FZD1: variants seen among roughly 807,000 people sequenced by gnomAD.
FZD1 encodes frizzled-1.
In FZD1, 22 loss-of-function variants were observed where a neutral mutation model predicts 48.0. The ratio of observed to expected loss-of-function variants is 0.46; its 90% CI spans 0.33 to 0.65. The LOEUF (loss-of-function observed/expected upper bound fraction) is 0.65. Among genes scored for constraint, FZD1 ranks in the 30% least tolerant of loss-of-function variants. FZD1 has a pLI of 0.02. For synonymous variants in FZD1, 486 were observed against 409.6 expected (o/e 1.19, Z -2.25); for missense variants, 843 against 898.1 (o/e 0.94, Z 0.78).
rs1209803165 is a variant in FZD1 at position 91,270,789 on chromosome 7, A to G, written c.*3965A>G. On this transcript the variant is annotated 3_prime_UTR_variant, in exon 1 of 1. Transcript: ENST00000287934. Reference sequence around the variant, plus strand: ...GGATATCTCTGATTCATTTCTTATTATAATAGTCTGTGTAACTGGGGCCTG... The same window carrying G: ...GGATATCTCTGATTCATTTCTTATTGTAATAGTCTGTGTAACTGGGGCCTG... 1 of 167,002 alleles carries G rather than the reference A, an allele frequency of 6.0e-6. No individual in the cohort carries two copies. Among genetic ancestry groups the G allele is most frequent in the Non-Finnish European group, 1.5e-5 (1 of 68,118 alleles). 10.3% of individuals were successfully genotyped at this position (167,002 alleles called of 1,614,324 possible).
Position 91,265,302 on chromosome 7 carries a change from C to G in FZD1, c.422C>G (p.Thr141Arg). ...ATCATGCCCAACCTGCTGGGCCACA[C>G]GAACCAGGAGGACGCGGGCCTGGAG... ...QTIMPNLLGH[T>R]NQEDAGLEVH... Residue 141 changes from threonine to arginine, a missense_variant, in exon 1 of 1, where the codon ACG (threonine) becomes AGG (arginine). Around this residue, in one of 2 missense-constraint regions of FZD1, gnomAD observed 490 missense variants for 466.5 expected, o/e 1.05. Coordinates refer to ENST00000287934, the MANE Select transcript of FZD1 (RefSeq NM_003505.2). This position sits in a 1 kb window ranked among gnomAD's most constrained non-coding sequence, Gnocchi z 6.9. 1 of 1,614,140 alleles carries G rather than the reference C, an allele frequency of 6.2e-7. No individual in the cohort carries two copies. Among genetic ancestry groups the G allele is most frequent in the Non-Finnish European group, 8.5e-7 (1 of 1,179,992 alleles).
chr7:91,265,866 T>C lies in FZD1; in HGVS notation c.986T>C (p.Leu329Pro). 6.2e-7 allele frequency: 1 copy of C among 1,614,022 alleles called. No individual in the cohort carries two copies. Among genetic ancestry groups the C allele is most frequent in the Non-Finnish European group, 8.5e-7 (1 of 1,179,860 alleles). The stretch of plus-strand genomic sequence containing the variant: ...ACCTGGATTGGCATTTGGTCAGTGC[T>C]GTGCTGCGCCTCCACGCTCTTCACG... ...SRTWIGIWSV[L>P]CCASTLFTVL... The change falls in exon 1 of 1, where the codon CTG becomes CCG. Residue 329 changes from leucine to proline, a missense_variant. Coordinates refer to ENST00000287934, the MANE Select transcript of FZD1 (RefSeq NM_003505.2). The surrounding 1 kb of genome is among the most constrained non-coding windows in gnomAD (Gnocchi z 6.9).
At position 91,268,232 on chromosome 7, in the gene FZD1, G is replaced by C. The variant is rs560270455; in HGVS notation, c.*1408G>C. 2 of 166,834 alleles carry C rather than the reference G, an allele frequency of 1.2e-5. No individual in the cohort carries two copies. Among genetic ancestry groups the C allele is most frequent in the Non-Finnish European group, 2.9e-5 (2 of 68,104 alleles). 10.3% of individuals were successfully genotyped at this position (166,834 alleles called of 1,614,324 possible). On this transcript the variant is annotated 3_prime_UTR_variant, in exon 1 of 1. Coordinates refer to ENST00000287934, the MANE Select transcript of FZD1 (RefSeq NM_003505.2). ...TATTCAGCAGCACATTCTGAGGGGGGAACAATTCACACCACCAATAATAAC... is the reference window on the plus strand; with the variant it reads ...TATTCAGCAGCACATTCTGAGGGGGCAACAATTCACACCACCAATAATAAC...
chr7:91,266,888 CGTG>C lies in FZD1; in HGVS notation c.*66_*68del. ...CGCAGCGATCCCCCAAAGCCAGCGC[CGTG>C]GAGTTCGTGCCAATCCTGACATCTC... On this transcript the variant is annotated 3_prime_UTR_variant, in exon 1 of 1. Transcript: ENST00000287934. The surrounding 1 kb of genome is among the most constrained non-coding windows in gnomAD (Gnocchi z 6.8). The C allele has an allele frequency of 9.5e-7, 1 of 1,055,380 alleles. No individual in the cohort carries two copies. The highest frequency in any genetic ancestry group is 1.5e-5 in the South Asian group (1 of 65,622). The allele number at this position is 1,055,380 out of a possible 1,614,324, so 65.4% of individuals were successfully genotyped here.
chr7:91,267,544 A>C lies in FZD1; in HGVS notation c.*720A>C, dbSNP rs1803905440. The C allele has an allele frequency of 6.0e-6, 1 of 167,122 alleles. No homozygotes were observed. The highest frequency in any genetic ancestry group is 2.1e-4 in the South Asian group (1 of 4,836). 10.4% of individuals were successfully genotyped at this position (167,122 alleles called of 1,614,324 possible). A position where few individuals can be genotyped will look rare whatever the true frequency, so the allele number is the denominator to read the frequency against. On this transcript the variant is annotated 3_prime_UTR_variant, in exon 1 of 1. Coordinates refer to ENST00000287934, the MANE Select transcript of FZD1 (RefSeq NM_003505.2). Reference sequence around the variant, plus strand: ...CTCCCTTGCTCGGCGGTGGATTGCGAAGGCCCGTCCCTTCGACTTCCTGAA... The same window carrying C: ...CTCCCTTGCTCGGCGGTGGATTGCGCAGGCCCGTCCCTTCGACTTCCTGAA...
chr7:91,264,926 G>C lies in FZD1; in HGVS notation c.46G>C (p.Gly16Arg), dbSNP rs1194238539. Residue 16 changes from glycine (G) to arginine (R), a missense_variant, in exon 1 of 1, where the codon GGC becomes CGC. Physicochemically the swap from Gly to Arg is moderately radical, Grantham distance 125. This residue lies in a region of FZD1 where 490 missense variants were observed against 466.5 expected (regional missense o/e 1.05). Coordinates refer to ENST00000287934, the MANE Select transcript of FZD1 (RefSeq NM_003505.2). Reference sequence around the variant, plus strand: ...TAAGAAGTCCCGGGCCGCCGGCGGTGGCGCGAGCTGGGAACTTTGTGCCGG... The same window carrying C: ...TAAGAAGTCCCGGGCCGCCGGCGGTCGCGCGAGCTGGGAACTTTGTGCCGG... ...APKKSRAAGG[G>R]ASWELCAGAL... The C allele has an allele frequency of 7.5e-7, 1 of 1,339,184 alleles. No individual in the cohort carries two copies. 83.0% of individuals were successfully genotyped at this position (1,339,184 alleles called of 1,614,324 possible).
chr7:91,270,617 C>A lies in FZD1; in HGVS notation c.*3793C>A, dbSNP rs1396645092. ...GACTTGAGTGGCCGCAGATCACTGT[C>A]CCTGATAGCATGTTTCAACCTTGGT... On this transcript the variant is annotated 3_prime_UTR_variant, in exon 1 of 1. Transcript: ENST00000287934. The A allele has an allele frequency of 6.0e-6, 1 of 167,010 alleles. No individual in the cohort carries two copies. Among genetic ancestry groups the A allele is most frequent in the African/African-American group, 2.4e-5 (1 of 41,444 alleles). 10.3% of individuals were successfully genotyped at this position (167,010 alleles called of 1,614,324 possible).
At position 91,265,497 on chromosome 7, in the gene FZD1, G is replaced by T; in HGVS notation, c.617G>T (p.Gly206Val). ...QGCEALMNKF[G>V]FQWPDTLKCE... ...TGCGAGGCGCTCATGAACAAGTTCG[G>T]CTTCCAGTGGCCAGACACGCTCAAG... The change falls in exon 1 of 1, where the codon GGC (glycine) becomes GTC (valine). Residue 206 changes from glycine (G) to valine (V), a missense_variant. Physicochemically the swap from Gly to Val is moderately radical, Grantham distance 109. Transcript: ENST00000287934. The surrounding 1 kb of genome is among the most constrained non-coding windows in gnomAD (Gnocchi z 6.9). The T allele has an allele frequency of 6.2e-7, 1 of 1,612,762 alleles. No homozygotes were observed. The highest frequency in any genetic ancestry group is 8.5e-7 in the Non-Finnish European group (1 of 1,179,826).
Position 91,266,339 on chromosome 7 carries a change from C to A in FZD1, c.1459C>A (p.Leu487Met). Residue 487 changes from leucine to methionine, a missense_variant, in exon 1 of 1, where the codon CTG (leucine) becomes ATG (methionine). Physicochemically the swap from Leu to Met is conservative, Grantham distance 15. This residue lies in a region of FZD1 where 353 missense variants were observed against 431.6 expected (regional missense o/e 0.82). Transcript: ENST00000287934. The surrounding 1 kb of genome is among the most constrained non-coding windows in gnomAD (Gnocchi z 6.8). The stretch of plus-strand genomic sequence containing the variant: ...CGTGGGGCTTAACAACGTGGACGCG[C>A]TGCGTGGCTTCGTGCTGGCGCCCCT... ...CFVGLNNVDA[L>M]RGFVLAPLFV... 6.2e-7 allele frequency: 1 copy of A among 1,614,172 alleles called. No homozygotes were observed. The highest frequency in any genetic ancestry group is 2.2e-5 in the East Asian group (1 of 44,872).
Position 91,271,027 on chromosome 7 carries a change from A to T in FZD1, c.*4203A>T. On this transcript the variant is annotated 3_prime_UTR_variant, in exon 1 of 1. Coordinates refer to ENST00000287934, the MANE Select transcript of FZD1 (RefSeq NM_003505.2). ...TCTTAAATTGAAGGCTTTTATTTCA[A>T]TGTCCTTACATTTAAAATGGGATCT... 6.0e-6 allele frequency: 1 copy of T among 167,154 alleles called. No individual in the cohort carries two copies. The allele number at this position is 167,154 out of a possible 1,614,324, so 10.4% of individuals were successfully genotyped here. A position where few individuals can be genotyped will look rare whatever the true frequency, so the allele number is the denominator to read the frequency against.
Position 91,266,189 on chromosome 7 carries a change from C to A in FZD1, c.1309C>A (p.His437Asn), listed in dbSNP as rs1241320016. Residue 437 changes from histidine to asparagine, a missense_variant, in exon 1 of 1, where the codon CAC becomes AAC. Coordinates refer to ENST00000287934, the MANE Select transcript of FZD1 (RefSeq NM_003505.2). The surrounding 1 kb of genome is among the most constrained non-coding windows in gnomAD (Gnocchi z 6.8). ...CCTGGCGGCTGGCATGAAGTGGGGCCACGAGGCCATCGAAGCCAACTCACA... is the reference window on the plus strand; with the variant it reads ...CCTGGCGGCTGGCATGAAGTGGGGCAACGAGGCCATCGAAGCCAACTCACA... Reference protein sequence around the residue: ...WFLAAGMKWGHEAIEANSQYF... With the variant: ...WFLAAGMKWGNEAIEANSQYF... 1 of 1,614,146 alleles carries A rather than the reference C, an allele frequency of 6.2e-7. No homozygotes were observed. Among genetic ancestry groups the A allele is most frequent in the Non-Finnish European group, 8.5e-7 (1 of 1,180,012 alleles).
chr7:91,266,563 C>A lies in FZD1; in HGVS notation c.1683C>A (p.Phe561Leu). ...CCTGCTACTTCTACGAGCAGGCCTT[C>A]CGGGACCAGTGGGAACGCAGCTGGG... ...VIACYFYEQAFRDQWERSWVA... is the reference protein window; with the variant it reads ...VIACYFYEQALRDQWERSWVA... Residue 561 changes from phenylalanine to leucine, a missense_variant, in exon 1 of 1, where the codon TTC becomes TTA. Physicochemically the swap from Phe to Leu is conservative, Grantham distance 22. Coordinates refer to ENST00000287934, the MANE Select transcript of FZD1 (RefSeq NM_003505.2). The surrounding 1 kb of genome is among the most constrained non-coding windows in gnomAD (Gnocchi z 6.8). The A allele has an allele frequency of 6.2e-7, 1 of 1,613,868 alleles. No homozygotes were observed. Among genetic ancestry groups the A allele is most frequent in the Middle Eastern group, 1.6e-4 (1 of 6,062 alleles).
rs1183685149 is a variant in FZD1, at chr7:91,269,658, A to G, written c.*2834A>G. On this transcript the variant is annotated 3_prime_UTR_variant, in exon 1 of 1. Coordinates refer to ENST00000287934, the MANE Select transcript of FZD1 (RefSeq NM_003505.2). ...AAAAATTAGATCTTACTAAAAATGT[A>G]GCATTTGATTTTAAGTAGCAAGATG... is the stretch of plus-strand genomic sequence containing the variant. 6.0e-6 allele frequency: 1 copy of G among 167,052 alleles called. No homozygotes were observed. Among genetic ancestry groups the G allele is most frequent in the Non-Finnish European group, 1.5e-5 (1 of 68,096 alleles). The allele number at this position is 167,052 out of a possible 1,614,324, so 10.3% of individuals were successfully genotyped here.
Position 91,266,428 on chromosome 7 carries a change from C to T in FZD1, c.1548C>T (p.Ile516=). Residue 516 remains isoleucine, a synonymous_variant, in exon 1 of 1, where the codon ATC becomes ATT. Transcript: ENST00000287934. The surrounding 1 kb of genome is among the most constrained non-coding windows in gnomAD (Gnocchi z 6.8). Reference sequence around the variant, plus strand: ...CCGGCTTTGTGTCGCTCTTCCGCATCCGCACCATCATGAAGCACGATGGCA... The same window carrying T: ...CCGGCTTTGTGTCGCTCTTCCGCATTCGCACCATCATGAAGCACGATGGCA... ...LLAGFVSLFR[I]RTIMKHDGTK... 5 of 1,614,192 alleles carry T rather than the reference C, an allele frequency of 3.1e-6. No individual in the cohort carries two copies. The highest frequency in any genetic ancestry group is 4.2e-6 in the Non-Finnish European group (5 of 1,180,028).
chr7:91,265,895 C>G lies in FZD1; in HGVS notation c.1015C>G (p.Leu339Val). Residue 339 changes from leucine (L) to valine (V), a missense_variant, in exon 1 of 1, where the codon CTT (leucine) becomes GTT (valine). Physicochemically the swap from Leu to Val is conservative, Grantham distance 32 (BLOSUM62 1). This residue lies in a region of FZD1 where 353 missense variants were observed against 431.6 expected (regional missense o/e 0.82). Coordinates refer to ENST00000287934, the MANE Select transcript of FZD1 (RefSeq NM_003505.2). This position sits in a 1 kb window ranked among gnomAD's most constrained non-coding sequence, Gnocchi z 6.9. ...LCCASTLFTV[L>V]TYLVDMRRFS... ...CTGCGCCTCCACGCTCTTCACGGTGCTTACGTACCTGGTGGACATGCGGCG... is the reference window on the plus strand; with the variant it reads ...CTGCGCCTCCACGCTCTTCACGGTGGTTACGTACCTGGTGGACATGCGGCG... 6.2e-7 allele frequency: 1 copy of G among 1,614,126 alleles called. No individual in the cohort carries two copies. The highest frequency in any genetic ancestry group is 2.2e-5 in the East Asian group (1 of 44,874).
Position 91,265,983 on chromosome 7 carries a change from C to G in FZD1, c.1103C>G (p.Ala368Gly), listed in dbSNP as rs772772421. The G allele has an allele frequency of 1.9e-6, 3 of 1,613,970 alleles. No individual in the cohort carries two copies. The highest frequency in any genetic ancestry group is 2.7e-5 in the African/African-American group (2 of 74,938). ...LSGCYTAVAVAYIAGFLLEDR... is the reference protein window; with the variant it reads ...LSGCYTAVAVGYIAGFLLEDR... Reference sequence around the variant, plus strand: ...GGCTGTTACACGGCCGTGGCCGTGGCCTACATCGCCGGCTTCCTCCTGGAA... The same window carrying G: ...GGCTGTTACACGGCCGTGGCCGTGGGCTACATCGCCGGCTTCCTCCTGGAA... Residue 368 changes from alanine (A) to glycine (G), a missense_variant, in exon 1 of 1, where the codon GCC (alanine) becomes GGC (glycine). By Grantham distance (60) the Ala-to-Gly change is moderately conservative (BLOSUM62 0). Coordinates refer to ENST00000287934, the MANE Select transcript of FZD1 (RefSeq NM_003505.2). The surrounding 1 kb of genome is among the most constrained non-coding windows in gnomAD (Gnocchi z 6.9).
rs1485179774 is a variant in FZD1 at position 91,265,243 on chromosome 7, C to T, written c.363C>T (p.Ile121=). The T allele has an allele frequency of 6.2e-7, 1 of 1,614,010 alleles. No individual in the cohort carries two copies. Among genetic ancestry groups the T allele is most frequent in the African/African-American group, 1.3e-5 (1 of 74,944 alleles). The change falls in exon 1 of 1, where the codon ATC becomes ATT. Residue 121 remains isoleucine (I), a synonymous_variant. Transcript: ENST00000287934. The surrounding 1 kb of genome is among the most constrained non-coding windows in gnomAD (Gnocchi z 6.9). Reference sequence around the variant, plus strand: ...ACGGCTATTGCCAGCCCATCTCCATCCCGCTGTGCACGGACATCGCGTACA... The same window carrying T: ...ACGGCTATTGCCAGCCCATCTCCATTCCGCTGTGCACGGACATCGCGTACA... ...PDHGYCQPIS[I]PLCTDIAYNQ...
rs115605836 is a variant in FZD1 at position 91,269,558 on chromosome 7, T to C, written c.*2734T>C. 9.3e-4 allele frequency: 156 copies of C among 167,126 alleles called. No individual in the cohort carries two copies. Among genetic ancestry groups the C allele is most frequent in the African/African-American group, 3.6e-3 (151 of 41,584 alleles). 10.4% of individuals were successfully genotyped at this position (167,126 alleles called of 1,614,324 possible). A position where few individuals can be genotyped will look rare whatever the true frequency, so the allele number is the denominator to read the frequency against. On this transcript the variant is annotated 3_prime_UTR_variant, in exon 1 of 1. Coordinates refer to ENST00000287934, the MANE Select transcript of FZD1 (RefSeq NM_003505.2). Reference sequence around the variant, plus strand: ...TGACAAGGGACTAAAATGAAGATCATTGATACAATAGAGTTACTTTCCTTG... The same window carrying C: ...TGACAAGGGACTAAAATGAAGATCACTGATACAATAGAGTTACTTTCCTTG...
At position 91,265,405 on chromosome 7, in the gene FZD1, C is replaced by T. The variant is rs776244417; in HGVS notation, c.525C>T (p.Pro175=). Reference sequence around the variant, plus strand: ...TCTTCCTGTGCTCCATGTACGCGCCCGTGTGCACCGTGCTAGAGCAGGCGC... The same window carrying T: ...TCTTCCTGTGCTCCATGTACGCGCCTGTGTGCACCGTGCTAGAGCAGGCGC... ...LKFFLCSMYA[P]VCTVLEQALP... Residue 175 remains proline, a synonymous_variant, in exon 1 of 1, where the codon CCC becomes CCT. Coordinates refer to ENST00000287934, the MANE Select transcript of FZD1 (RefSeq NM_003505.2). This position sits in a 1 kb window ranked among gnomAD's most constrained non-coding sequence, Gnocchi z 6.9. The T allele has an allele frequency of 1.2e-6, 2 of 1,613,860 alleles. No homozygotes were observed. The highest frequency in any genetic ancestry group is 1.7e-6 in the Non-Finnish European group (2 of 1,179,920).
Sources: gnomAD v4.1 joint callset for allele counts on GRCh38, gnomAD v4.1.1 for gene constraint, gnomAD v4.1.1 regional missense constraint, Gnocchi (gnomAD v3.1) non-coding constraint, MANE v1.5 for transcripts, NCBI Gene and HGNC (gene_info 2026-07-23, HGNC 2026-07-21) for gene names.